PFKP: variants seen among roughly 807,000 people sequenced by gnomAD.
PFKP encodes ATP-dependent 6-phosphofructokinase, platelet type.
A neutral mutation model predicts 94.3 loss-of-function variants in PFKP; 101 were observed. The observed-to-expected ratio is 1.07, with a 90% CI of 0.91 to 1.26. PFKP has a LOEUF of 1.26. PFKP is among the 50% of genes most tolerant of loss of function. The pLI, the probability that PFKP is intolerant of heterozygous loss-of-function variation, is 0.00. For missense variants in PFKP, 1,145 were observed against 1,103.3 expected (o/e 1.04, Z -0.53); for synonymous variants, 573 against 432.6 (o/e 1.32, Z -4.03).
rs77181323 is a variant in PFKP at position 3,135,952 on chromosome 10, T to C, written c.2225+114T>C. On this transcript the variant is annotated intron_variant, in intron 21 of 21. Transcript: ENST00000381125. ...TTCAGGGGTTTGAGGAACTGGCTTT[T>C]CTGAAGCTCAGTTAAAAAAATACTA... is the stretch of plus-strand genomic sequence containing the variant. The C allele has an allele frequency of 1.1e-3, 757 of 684,486 alleles. 7 individuals carry two copies. In the African/African-American group the frequency reaches 0.013, roughly 11 times the overall value. 42.4% of individuals were successfully genotyped at this position (684,486 alleles called of 1,614,324 possible). A position where few individuals can be genotyped will look rare whatever the true frequency, so the allele number is the denominator to read the frequency against.
chr10:3,104,428 G>A lies in PFKP; in HGVS notation c.620+484G>A, dbSNP rs78500823. Among the ~76,000 whole-genome samples the A allele has an allele frequency of 3.1e-4, 47 of 152,332 alleles. No homozygotes were observed. In the East Asian group the frequency reaches 8.7e-3, roughly 28 times the overall value. ...CACCGTACAATTTCTGAAGCAATTT[G>A]CATGAAAACCATGTGGAATGGTAAA... On this transcript the variant is annotated intron_variant, in intron 5 of 21. Transcript: ENST00000381125.
At position 3,132,449 on chromosome 10, in the gene PFKP, A is replaced by G. The variant is rs779051290; in HGVS notation, c.1910+8A>G. On this transcript the variant is annotated splice_region_variant and intron_variant, in intron 18 of 21. Coordinates refer to ENST00000381125, the MANE Select transcript of PFKP (RefSeq NM_002627.5). ...GAGAGGCCTTGTGCTCAGGTGAGAGAGAGAGACCAGGGGCTGATCTTACCC... is the reference window on the plus strand; with the variant it reads ...GAGAGGCCTTGTGCTCAGGTGAGAGGGAGAGACCAGGGGCTGATCTTACCC... 8 of 1,597,892 alleles carry G rather than the reference A, an allele frequency of 5.0e-6. No individual in the cohort carries two copies. Among genetic ancestry groups the G allele is most frequent in the Middle Eastern group, 3.3e-4 (2 of 6,048 alleles).
At chr10:3,076,586 T>TAA (rs1389134701) in intron 1 of PFKP, among the ~76,000 whole-genome samples, 4 of 152,142 alleles carry the variant, frequency 2.6e-5, no homozygotes, top group Non-Finnish European at 4.4e-5. Flanking sequence ...CCTTAGCACT[T>TAA]ACGGCCATCC....
At chr10:3,135,198 C>G (rs961796549) in intron 20 of PFKP, among the ~76,000 whole-genome samples, 5 of 152,262 alleles carry the variant, frequency 3.3e-5, no homozygotes, top group Admixed American at 3.3e-4. Context: ...CCCCCACCCC[C>G]CTCAGCTTTC....
At chr10:3,091,504 C>G (rs139653001) in intron 2 of PFKP, among the ~76,000 whole-genome samples, 2 of 152,288 alleles carry the variant, frequency 1.3e-5, no homozygotes, top group South Asian at 4.1e-4. Flanking sequence ...ATTATTATAG[C>G]TCTTCAAATA....
intron 1 of PFKP, chr10:3,068,793 G>A: frequency 2.9e-6 from 2 of 688,162 alleles, no homozygotes; most frequent in Non-Finnish European, 3.6e-6. Flanking sequence ...TAGCGATCGC[G>A]CAGGCTGGAG....
At chr10:3,069,707 ACT>A (rs1190770888) in intron 1 of PFKP, among the ~76,000 whole-genome samples, 4 of 151,618 alleles carry the variant, frequency 2.6e-5, no homozygotes, top group Non-Finnish European at 4.4e-5. Context: ...ACATAGTGAG[ACT>A]CTGTGTCTAC....
At position 3,102,419 on chromosome 10, in the gene PFKP, TTTTG is replaced by T. The variant is rs1264783789; in HGVS notation, c.454+873_454+876del. On this transcript the variant is annotated intron_variant, in intron 4 of 21. Transcript: ENST00000381125. Reference sequence around the variant, plus strand: ...ATTTTTGTTTTGTTTGATTGTTTGATTTTGTTTGTTTTGAGACAGAGTCTTTCTC... The same window carrying T: ...ATTTTTGTTTTGTTTGATTGTTTGATTTTGTTTTGAGACAGAGTCTTTCTC... 3.1e-3 allele frequency among the ~76,000 whole-genome samples: 386 copies of T among 123,192 alleles called. 4 individuals are homozygous for T. Among genetic ancestry groups the T allele is most frequent in the African/African-American group, 0.011 (372 of 33,776 alleles). The allele number at this position is 123,192 out of a possible 152,430, so 80.8% of individuals were successfully genotyped here.
At chr10:3,135,309 AAT>A (rs1351331620) in intron 20 of PFKP, among the ~76,000 whole-genome samples, 1 of 152,204 alleles carries the variant, frequency 6.6e-6, no homozygotes, top group Non-Finnish European at 1.5e-5. Flanking sequence ...CAGTGATGTG[AAT>A]AGTTTCAATG....
chr10:3,118,911 C>T (rs1329269105), intron 15 of PFKP, 42 bp downstream of exon 15: 2 of 1,473,056 alleles, frequency 1.4e-6, no homozygotes, highest in Admixed American at 1.7e-5. Context: ...CAGGTGTGAG[C>T]CGCGCCCTGT....
chr10:3,123,604 G>A (rs745787512), intron 16 of PFKP, among the ~76,000 whole-genome samples: 33 of 152,302 alleles, frequency 2.2e-4, no homozygotes, highest in African/African-American at 5.1e-4. Flanking sequence ...AGCGCTTCTC[G>A]GAGAAACAGC....
At chr10:3,128,308 C>A (rs1490899749) in intron 16 of PFKP, among the ~76,000 whole-genome samples, 2 of 152,124 alleles carry the variant, frequency 1.3e-5, no homozygotes, top group East Asian at 3.9e-4. Context: ...GGAGAGACAC[C>A]GGGATAATTT....
intron 1 of PFKP, among the ~76,000 whole-genome samples, chr10:3,076,840 CAGG>C (rs1162142041): frequency 2.0e-5 from 3 of 151,998 alleles, no homozygotes; most frequent in Non-Finnish European, 2.9e-5. Flanking sequence ...CTGCACAGTC[CAGG>C]AGGTCAGAGA....
chr10:3,103,753 A>T (rs764709903), intron 4 of PFKP, 26 bp from the exon 5 acceptor site: 91 of 1,612,218 alleles, frequency 5.6e-5, no homozygotes, highest in Middle Eastern at 1.7e-4. Flanking sequence ...TACGGCGATG[A>T]GACGTGCTGT....
Position 3,101,475 on chromosome 10 carries a change from C to A in PFKP, c.375C>A (p.Ile125=). 1 of 1,604,380 alleles carries A rather than the reference C, an allele frequency of 6.2e-7. No individual in the cohort carries two copies. Among genetic ancestry groups the A allele is most frequent in the Non-Finnish European group, 8.5e-7 (1 of 1,175,184 alleles). ...LQRGITNLCV[I]GGDGSLTGAN... The stretch of plus-strand genomic sequence containing the variant: ...GCGGCATCACCAACCTGTGTGTGAT[C>A]GGCGGGGACGGGAGCCTCACCGGGG... Residue 125 remains isoleucine (I), a synonymous_variant, in exon 4 of 22, where the codon ATC becomes ATA. Coordinates refer to ENST00000381125, the MANE Select transcript of PFKP (RefSeq NM_002627.5).
chr10:3,090,338 G>C (rs1833944957), intron 2 of PFKP, among the ~76,000 whole-genome samples: 2 of 152,196 alleles, frequency 1.3e-5, no homozygotes, highest in Admixed American at 1.3e-4. Context: ...ATTTCTGTGT[G>C]CTCATCTGTG....
At chr10:3,093,886 G>T (rs532233674) in intron 2 of PFKP, among the ~76,000 whole-genome samples, 9 of 152,012 alleles carry the variant, frequency 5.9e-5, no homozygotes, top group Non-Finnish European at 1.0e-4. Context: ...CTTGTGATCC[G>T]CCCGCCTTGG....
intron 2 of PFKP, among the ~76,000 whole-genome samples, chr10:3,087,991 T>TTTC (rs1833742043): frequency 2.5e-5 from 2 of 80,518 alleles, no homozygotes; most frequent in African/African-American, 7.9e-5. Flanking sequence ...ATTCTTTTTT[T>TTTC]TTTTTTTTTT....
chr10:3,100,017 G>T lies in PFKP; in HGVS notation c.264+665G>T, dbSNP rs1033545008. On this transcript the variant is annotated intron_variant, in intron 3 of 21. Transcript: ENST00000381125. ...TAGCGAATGTGTATCTGTGTGTGGGGTGTGTGTATATGTGGTGTCCTTGTA... is the reference window on the plus strand; with the variant it reads ...TAGCGAATGTGTATCTGTGTGTGGGTTGTGTGTATATGTGGTGTCCTTGTA... Among the ~76,000 whole-genome samples, 4 of 151,564 alleles carry T rather than the reference G, an allele frequency of 2.6e-5. 1 individual carries two copies. The South Asian group carries it at 8.4e-4, about 32-fold the overall frequency.
Sources: allele counts gnomAD v4.1 joint callset (sites outside exome capture counted in the v4.1 genomes callset), GRCh38; gene constraint gnomAD v4.1.1; transcripts MANE v1.5; gene names NCBI Gene and HGNC (gene_info 2026-07-23, HGNC 2026-07-21).